Variants in FGF12 observed in about 807,000 individuals in gnomAD.
FGF12 encodes fibroblast growth factor 12, also known as fibroblast growth factor 12B.
FGF12 carries 14 observed loss-of-function variants against 23.6 expected under a neutral mutation model. That is an observed-to-expected ratio of 0.59 (90% confidence interval 0.39 to 0.93). The LOEUF is 0.93. Among genes scored for constraint, FGF12 ranks in the 40% least tolerant of loss-of-function variants. FGF12 has a pLI of 0.00. For missense variants in FGF12, 175 were observed against 217.8 expected, an observed-to-expected ratio of 0.80 and a Z score of 1.24; for synonymous variants, 62 against 77.3, an observed-to-expected ratio of 0.80 and a Z score of 1.04.
chr3:192,551,682 C>T lies in FGF12; in HGVS notation c.13+175499G>A, dbSNP rs368195665. Among the ~76,000 whole-genome samples, 29 of 152,170 alleles carry T rather than the reference C, an allele frequency of 1.9e-4. No individual in the cohort carries two copies. The East Asian group carries it at 1.9e-3, about 10-fold the overall frequency. On this transcript the variant is annotated intron_variant, in intron 2 of 5. Transcript: ENST00000445105. ...ATAAAATTGAAATAAAGTATAAATC[C>T]ATTCTAACAAAATCAAAACAAGCCA...
intron 2 of FGF12, among the ~76,000 whole-genome samples, chr3:192,637,908 C>T (rs1487701241): frequency 6.6e-6 from 1 of 152,114 alleles, no homozygotes; most frequent in Non-Finnish European, 1.5e-5. Context: ...TAGCAAGAAA[C>T]CTGAAATGCA....
At chr3:192,161,767 C>A (rs1442099800) in intron 5 of FGF12, among the ~76,000 whole-genome samples, 1 of 152,036 alleles carries the variant, frequency 6.6e-6, no homozygotes, top group Non-Finnish European at 1.5e-5. Flanking sequence ...ATATGCCATT[C>A]AAATGGAATA....
intron 2 of FGF12, among the ~76,000 whole-genome samples, chr3:192,437,939 T>G (rs548745782): frequency 6.6e-6 from 1 of 152,268 alleles, no homozygotes; most frequent in East Asian, 1.9e-4. Flanking sequence ...ATAAACGTGT[T>G]CTCTGAATTC....
intron 4 of FGF12, among the ~76,000 whole-genome samples, chr3:192,191,721 A>C (rs1716801312): frequency 6.6e-6 from 1 of 152,060 alleles, no homozygotes; most frequent in African/African-American, 2.4e-5. Flanking sequence ...CTGTAGTCCC[A>C]GCTACTCAGG....
intron 2 of FGF12, among the ~76,000 whole-genome samples, chr3:192,702,580 T>A (rs1718337368): frequency 6.6e-6 from 1 of 152,048 alleles, no homozygotes; most frequent in African/African-American, 2.4e-5. Context: ...ATTGCTTGAG[T>A]CCAGGAGTTT....
chr3:192,553,694 C>T (rs2108587773), intron 2 of FGF12, among the ~76,000 whole-genome samples: 1 of 152,258 alleles, frequency 6.6e-6, no homozygotes, highest in South Asian at 2.1e-4. Flanking sequence ...ACCATAGTCC[C>T]CCCAACCCCC....
At chr3:192,677,543 T>C (rs1256679940) in intron 2 of FGF12, among the ~76,000 whole-genome samples, 1 of 152,234 alleles carries the variant, frequency 6.6e-6, no homozygotes, top group Non-Finnish European at 1.5e-5. Context: ...GTTCAATATA[T>C]TGGTTTTTCT....
intron 2 of FGF12, among the ~76,000 whole-genome samples, chr3:192,407,318 A>T (rs1720994803): frequency 6.6e-6 from 1 of 152,210 alleles, no homozygotes; most frequent in South Asian, 2.1e-4. Context: ...CAAAAGTGTG[A>T]GTGTGCTAAG....
intron 2 of FGF12, among the ~76,000 whole-genome samples, chr3:192,669,362 C>T (rs1166203629): frequency 2.6e-5 from 4 of 151,748 alleles, no homozygotes; most frequent in Non-Finnish European, 5.9e-5. Flanking sequence ...CTGAGGTGGG[C>T]GGATCATGAA....
At chr3:192,708,149 C>T (rs922861050) in intron 2 of FGF12, among the ~76,000 whole-genome samples, 6 of 151,880 alleles carry the variant, frequency 4.0e-5, no homozygotes, top group African/African-American at 7.3e-5. Flanking sequence ...TTAGTAGAGA[C>T]GGGATTTCAC....
chr3:192,490,473 G>A (rs990540454), intron 2 of FGF12, among the ~76,000 whole-genome samples: 7 of 151,770 alleles, frequency 4.6e-5, no homozygotes, highest in Non-Finnish European at 2.9e-5. Context: ...ACATATAAGT[G>A]TGTATGTATA....
At chr3:192,187,666 A>G (rs2108642867) in intron 4 of FGF12, among the ~76,000 whole-genome samples, 1 of 152,338 alleles carries the variant, frequency 6.6e-6, no homozygotes, top group South Asian at 2.1e-4. Flanking sequence ...AGGACCAAGG[A>G]GAGCTTCCTG....
chr3:192,583,631 C>T (rs1447011151), intron 2 of FGF12, among the ~76,000 whole-genome samples: 1 of 152,176 alleles, frequency 6.6e-6, no homozygotes, highest in Non-Finnish European at 1.5e-5. Flanking sequence ...TTCAGACCCC[C>T]TGACTTCATC....
intron 4 of FGF12, among the ~76,000 whole-genome samples, chr3:192,256,400 T>C (rs754601303): frequency 6.6e-6 from 1 of 151,708 alleles, no homozygotes; most frequent in Non-Finnish European, 1.5e-5. Context: ...CGTAAACCTA[T>C]AAGCAACATA....
At chr3:192,340,245 C>A (rs143948181) in intron 3 of FGF12, among the ~76,000 whole-genome samples, 2 of 152,186 alleles carry the variant, frequency 1.3e-5, no homozygotes, top group South Asian at 4.1e-4. Context: ...TGCCCTATTC[C>A]TGGATCCAGA....
At chr3:192,667,550 C>T (rs1017082526) in intron 2 of FGF12, among the ~76,000 whole-genome samples, 2 of 142,480 alleles carry the variant, frequency 1.4e-5, no homozygotes, top group African/African-American at 5.3e-5. Context: ...GCGGAGGTTG[C>T]ACTGAGCCGA....
At chr3:192,401,683 T>G (rs568984733) in intron 2 of FGF12, among the ~76,000 whole-genome samples, 2 of 152,326 alleles carry the variant, frequency 1.3e-5, no homozygotes, top group South Asian at 4.1e-4. Flanking sequence ...TGATCTTTCT[T>G]TGGACCCTAG....
chr3:192,546,198 G>T (rs886664042), intron 2 of FGF12, among the ~76,000 whole-genome samples: 2 of 152,048 alleles, frequency 1.3e-5, no homozygotes, highest in Non-Finnish European at 2.9e-5. Flanking sequence ...AGTCTCAGTT[G>T]TTTCCTCTAA....
At chr3:192,643,208 A>G (rs1271472518) in intron 2 of FGF12, among the ~76,000 whole-genome samples, 1 of 152,208 alleles carries the variant, frequency 6.6e-6, no homozygotes, top group Admixed American at 6.5e-5. Flanking sequence ...ATGGATAGAT[A>G]GATAAATTTA....
Sources: gnomAD v4.1 joint callset for allele counts (sites outside exome capture counted in the v4.1 genomes callset) on GRCh38, gnomAD v4.1.1 for gene constraint, MANE v1.5 for transcripts, NCBI Gene and HGNC (gene_info 2026-07-23, HGNC 2026-07-21) for gene names.